The following EHMT2 variants were observed in gnomAD, a reference collection of about 807,000 sequenced individuals.
The protein encoded by EHMT2 is euchromatic histone lysine methyltransferase 2.
EHMT2 carries 59 observed loss-of-function variants against 143.3 expected under a neutral mutation model. The observed-to-expected ratio is 0.41, with a 90% CI of 0.33 to 0.51. The LOEUF is 0.51. Among genes scored for constraint, EHMT2 ranks in the 20% least tolerant of loss-of-function variants. The pLI is 0.18. For synonymous variants in EHMT2, 604 were observed against 651.5 expected (o/e 0.93, Z 1.11); for missense variants, 1,174 against 1,645.9 (o/e 0.71, Z 4.96).
rs1337922377 is a variant in EHMT2, at chr6:31,883,502, T to C, written c.2917-63A>G. 3 of 1,520,084 alleles carry C rather than the reference T, an allele frequency of 2.0e-6. No homozygotes were observed. The highest frequency in any genetic ancestry group is 3.7e-5 in the Admixed American group (2 of 53,456). The allele number at this position is 1,520,084 out of a possible 1,614,324, so 94.2% of individuals were successfully genotyped here. Reference sequence around the variant, plus strand: ...TCGGTCTGGGCCCCTCTACTCTTGATGCCCCCTGACCCCCTAACCACTGTC... The same window carrying C: ...TCGGTCTGGGCCCCTCTACTCTTGACGCCCCCTGACCCCCTAACCACTGTC... On this transcript the variant is annotated intron_variant, in intron 22 of 27. Transcript: ENST00000375537. The surrounding 1 kb of genome is among the most constrained non-coding windows in gnomAD (Gnocchi z 5.6).
intron 4 of EHMT2, among the ~76,000 whole-genome samples, chr6:31,894,992 C>T (rs969704365): frequency 6.6e-6 from 1 of 152,186 alleles, no homozygotes; most frequent in Non-Finnish European, 1.5e-5. Flanking sequence ...GTTAATCTCT[C>T]ACTGTACCTA....
chr6:31,879,962 G>GT, exon 28 of EHMT2: 1 of 1,145,400 alleles, frequency 8.7e-7, no homozygotes, highest in Non-Finnish European at 1.2e-6. Flanking sequence ...TCAGGAATGT[G>GT]TGAAAGGGTG....
chr6:31,883,028 G>C lies in EHMT2; in HGVS notation c.2995-19C>G. 1.2e-6 allele frequency: 2 copies of C among 1,607,562 alleles called. No individual in the cohort carries two copies. Among genetic ancestry groups the C allele is most frequent in the Non-Finnish European group, 1.7e-6 (2 of 1,175,868 alleles). On this transcript the variant is annotated intron_variant, in intron 23 of 27. Coordinates refer to ENST00000375537, the Ensembl canonical transcript of EHMT2. This position sits in a 1 kb window ranked among gnomAD's most constrained non-coding sequence, Gnocchi z 5.6. Reference sequence around the variant, plus strand: ...GCCCATCCTAGGGTGCGGAGGGGAGGATAGTGGTTTCTCTGTGGGGCCCAC... The same window carrying C: ...GCCCATCCTAGGGTGCGGAGGGGAGCATAGTGGTTTCTCTGTGGGGCCCAC...
chr6:31,880,523 A>C lies in EHMT2; in HGVS notation c.3452+150T>G. 4 of 944,458 alleles carry C rather than the reference A, an allele frequency of 4.2e-6. No homozygotes were observed. Among genetic ancestry groups the C allele is most frequent in the Non-Finnish European group, 6.2e-6 (4 of 644,936 alleles). 58.5% of individuals were successfully genotyped at this position (944,458 alleles called of 1,614,324 possible). On this transcript the variant is annotated intron_variant, in intron 27 of 27. Transcript: ENST00000375537. The surrounding 1 kb of genome is among the most constrained non-coding windows in gnomAD (Gnocchi z 6.6). ...TGGGAGGCACAGGACTGTTTCCCCA[A>C]GTCCTCCAGGAAATACTTATGTACA...
intron 1 of EHMT2, 54 bp downstream of exon 1, chr6:31,897,582 T>TC: frequency 1.8e-6 from 2 of 1,109,726 alleles, no homozygotes; most frequent in Non-Finnish European, 1.1e-6. Context: ...GGCGCGCGCT[T>TC]CCCCCGGGCG....
chr6:31,880,884 C>T lies in EHMT2; in HGVS notation c.3277-36G>A, dbSNP rs1160630783. 13 of 1,611,314 alleles carry T rather than the reference C, an allele frequency of 8.1e-6. No homozygotes were observed. The highest frequency in any genetic ancestry group is 1.3e-5 in the African/African-American group (1 of 74,954). ...GGGATGGCACTCTTCACATCTCCCC[C>T]GACCCTGCTTGCCCTCCCCACCCAC... On this transcript the variant is annotated intron_variant, in intron 26 of 27. Coordinates refer to ENST00000375537, the Ensembl canonical transcript of EHMT2. The surrounding 1 kb of genome is among the most constrained non-coding windows in gnomAD (Gnocchi z 6.6).
exon 3 of EHMT2, chr6:31,896,821 T>C (rs1162911234): frequency 6.2e-6 from 10 of 1,612,742 alleles, no homozygotes; most frequent in Non-Finnish European, 5.1e-6. Context: ...CAAAGAGCCA[T>C]GAACTGTAGA....
rs775564921 is a variant in EHMT2, at chr6:31,887,866, T to C, written c.1841A>G (p.Asn614Ser). 7 of 1,611,802 alleles carry C rather than the reference T, an allele frequency of 4.3e-6. No homozygotes were observed. The Admixed American group carries it at 6.7e-5, about 15-fold the overall frequency. ...CCCCACGGCTGAAAGGCAGCCCCCATTGGGCAGGGTCAGGGAGGGCCCTGA... is the reference window on the plus strand; with the variant it reads ...CCCCACGGCTGAAAGGCAGCCCCCACTGGGCAGGGTCAGGGAGGGCCCTGA... Residue 614 changes from asparagine (N) to serine (S), a missense_variant, in exon 14 of 28, where the codon AAT becomes AGT. Physicochemically the swap from Asn to Ser is conservative, Grantham distance 46. Around this residue, in one of 6 missense-constraint regions of EHMT2, gnomAD observed 608 missense variants for 903.7 expected, o/e 0.67. Transcript: ENST00000375537.
rs560862590 is a variant in EHMT2, at chr6:31,886,986, C to G, written c.2118+9G>C. ...GGTGAATGAGGCATGGGGCCGGGCC[C>G]GTGCTGACCTGCAGCAGCACATGGC... On this transcript the variant is annotated intron_variant, in intron 16 of 27. Transcript: ENST00000375537. The G allele has an allele frequency of 8.7e-6, 14 of 1,613,962 alleles. No homozygotes were observed. Among genetic ancestry groups the G allele is most frequent in the Non-Finnish European group, 1.1e-5 (13 of 1,179,996 alleles).
chr6:31,884,346 G>A lies in EHMT2; in HGVS notation c.2771+46C>T, dbSNP rs996905476. 1.9e-6 allele frequency: 3 copies of A among 1,575,470 alleles called. No homozygotes were observed. Among genetic ancestry groups the A allele is most frequent in the African/African-American group, 2.7e-5 (2 of 74,350 alleles). On this transcript the variant is annotated intron_variant, in intron 21 of 27. Coordinates refer to ENST00000375537, the Ensembl canonical transcript of EHMT2. The surrounding 1 kb of genome is among the most constrained non-coding windows in gnomAD (Gnocchi z 7.3). ...GCAATGGAGCCTGGGGAGGGTATGG[G>A]TGGGGAGGAGGTGGTCTTGGGTGCA...
At chr6:31,887,957 G>A (rs775788766) in exon 14 of EHMT2, 3 of 1,591,756 alleles carry the variant, frequency 1.9e-6, no homozygotes, top group Non-Finnish European at 1.7e-6. Flanking sequence ...CCTCGCATCC[G>A]GGCACTGTGG....
chr6:31,896,752 G>A (rs1766520385), exon 3 of EHMT2: 1 of 1,612,954 alleles, frequency 6.2e-7, no homozygotes, highest in South Asian at 1.1e-5. Flanking sequence ...GGGGCCAGCA[G>A]GCTCCAGGGA....
At chr6:31,885,163 G>T in intron 18 of EHMT2, 147 bp from the exon 19 acceptor site, 1 of 1,125,218 alleles carries the variant, frequency 8.9e-7, no homozygotes, top group Non-Finnish European at 1.2e-6. Flanking sequence ...TCTCTGGGTC[G>T]CAGTTTCTTC....
At chr6:31,885,077 G>A (rs756764545) in intron 18 of EHMT2, 61 bp from the exon 19 acceptor site, 4 of 1,538,202 alleles carry the variant, frequency 2.6e-6, no homozygotes, top group Non-Finnish European at 3.5e-6. Flanking sequence ...AGCAGCAAAT[G>A]GTCAAGATTG....
At chr6:31,897,315 C>T in intron 1 of EHMT2, 3 of 567,052 alleles carry the variant, frequency 5.3e-6, no homozygotes, top group South Asian at 9.3e-5. Flanking sequence ...GCCGCGGGGA[C>T]CCCGGGCACC....
Sources: allele counts gnomAD v4.1 joint callset (sites outside exome capture counted in the v4.1 genomes callset), GRCh38; gene constraint gnomAD v4.1.1; regional missense constraint gnomAD v4.1.1; non-coding constraint Gnocchi (gnomAD v3.1); transcripts MANE v1.5; gene names NCBI Gene and HGNC (gene_info 2026-07-23, HGNC 2026-07-21).